The following CDH13 variants were observed in gnomAD, a reference collection of about 807,000 sequenced individuals.
The protein encoded by CDH13 is cadherin 13, also known as cadherin-13.
A neutral mutation model predicts 63.8 loss-of-function variants in CDH13; 24 were observed. The ratio of observed to expected loss-of-function variants is 0.38; its 90% CI spans 0.27 to 0.53. The LOEUF (loss-of-function observed/expected upper bound fraction) is 0.53. Ranked by LOEUF, CDH13 falls within the 20% of genes least tolerant of loss-of-function variation. The probability of loss-of-function intolerance (pLI) is 0.85; values close to 1 mark genes in which losing one functional copy is unlikely to be tolerated. For missense variants in CDH13, 1,049 were observed against 903.1 expected, an observed-to-expected ratio of 1.16 and a Z score of -2.07; for synonymous variants, 503 against 355.3, an observed-to-expected ratio of 1.42 and a Z score of -4.67.
intron 3 of CDH13, among the ~76,000 whole-genome samples, chr16:83,095,288 C>G (rs2034137921): frequency 6.6e-6 from 1 of 152,174 alleles, no homozygotes; most frequent in Non-Finnish European, 1.5e-5. Flanking sequence ...ATTCTGTCCA[C>G]TGGTATATCA....
chr16:83,289,303 C>G (rs974669683), intron 5 of CDH13, among the ~76,000 whole-genome samples: 1 of 152,174 alleles, frequency 6.6e-6, no homozygotes, highest in Non-Finnish European at 1.5e-5. Context: ...ATATTAATCT[C>G]ATGTATTTTT....
intron 6 of CDH13, among the ~76,000 whole-genome samples, chr16:83,363,477 G>C (rs966646572): frequency 6.6e-6 from 1 of 152,186 alleles, no homozygotes; most frequent in Non-Finnish European, 1.5e-5. Flanking sequence ...CAAAAGTTAA[G>C]AGACCACTAA....
At chr16:83,588,626 C>T (rs1436715696) in intron 7 of CDH13, among the ~76,000 whole-genome samples, 1 of 152,166 alleles carries the variant, frequency 6.6e-6, no homozygotes, top group African/African-American at 2.4e-5. Flanking sequence ...AAGTGACTGA[C>T]ACATTGGAAA....
intron 4 of CDH13, among the ~76,000 whole-genome samples, chr16:83,200,367 C>G (rs1304493374): frequency 6.6e-6 from 1 of 152,122 alleles, no homozygotes; most frequent in Non-Finnish European, 1.5e-5. Flanking sequence ...GTCTCCTTTT[C>G]TGCTGGTCTT....
In CDH13 at chr16:83,531,241, C is replaced by G. The variant is rs147894401; in HGVS notation, c.960+44586C>G. On this transcript the variant is annotated intron_variant, in intron 7 of 13. Transcript: ENST00000567109. ...GTTTACATGTAACTAGGCCTCTGGT[C>G]TCTGCCATCCTATAAATCCATTCAG... is the stretch of plus-strand genomic sequence containing the variant. 9.1e-4 allele frequency among the ~76,000 whole-genome samples: 138 copies of G among 152,310 alleles called. 1 individual carries two copies. The highest frequency in any genetic ancestry group is 3.2e-3 in the African/African-American group (132 of 41,568).
intron 6 of CDH13, among the ~76,000 whole-genome samples, chr16:83,448,215 C>T (rs1425836243): frequency 1.3e-5 from 2 of 151,716 alleles, no homozygotes; most frequent in Non-Finnish European, 2.9e-5. Context: ...TGGAGTGGAG[C>T]AGGAAATGTG....
chr16:82,932,303 T>C (rs1171797949), intron 2 of CDH13, among the ~76,000 whole-genome samples: 1 of 152,240 alleles, frequency 6.6e-6, no homozygotes, highest in Non-Finnish European at 1.5e-5. Flanking sequence ...CTTATTATTG[T>C]ATTTGTTTGT....
chr16:82,770,265 T>G (rs1463278956), intron 1 of CDH13, among the ~76,000 whole-genome samples: 1 of 152,248 alleles, frequency 6.6e-6, no homozygotes, highest in Non-Finnish European at 1.5e-5. Context: ...AGTGTGTGTT[T>G]TTGTGCACAT....
At chr16:83,054,904 T>C (rs2030760160) in intron 3 of CDH13, among the ~76,000 whole-genome samples, 1 of 152,144 alleles carries the variant, frequency 6.6e-6, no homozygotes, top group Non-Finnish European at 1.5e-5. Flanking sequence ...TCTGCAGTGT[T>C]CACGTGGAAT....
At chr16:83,403,972 C>T (rs1002537997) in intron 6 of CDH13, among the ~76,000 whole-genome samples, 2 of 152,174 alleles carry the variant, frequency 1.3e-5, no homozygotes, top group Non-Finnish European at 1.5e-5. Flanking sequence ...AATAAATCAA[C>T]TTGAATTTAG....
chr16:82,932,381 C>T (rs903937466), intron 2 of CDH13, among the ~76,000 whole-genome samples: 17 of 152,260 alleles, frequency 1.1e-4, no homozygotes, highest in Middle Eastern at 3.4e-3. Flanking sequence ...AGGCAACAAC[C>T]GCTGAAGAGG....
At chr16:83,602,714 T>A (rs1006671035) in intron 8 of CDH13, 120 bp downstream of exon 8, 1 of 998,026 alleles carries the variant, frequency 1.0e-6, no homozygotes, top group Non-Finnish European at 1.6e-6. Flanking sequence ...TACTCCTTTG[T>A]GGGAGAGACG....
intron 7 of CDH13, among the ~76,000 whole-genome samples, chr16:83,561,158 G>C (rs796273432): frequency 5.9e-5 from 9 of 152,030 alleles, no homozygotes; most frequent in African/African-American, 2.2e-4. Context: ...CTTCAAAAGA[G>C]ACTTCAGGCC....
At chr16:83,077,256 A>C (rs1192390011) in intron 3 of CDH13, among the ~76,000 whole-genome samples, 1 of 120,232 alleles carries the variant, frequency 8.3e-6, no homozygotes, top group Non-Finnish European at 1.6e-5. Context: ...ACAGTGATGC[A>C]GTCTTGGCTC....
At position 83,391,845 on chromosome 16, in the gene CDH13, G is replaced by T. The variant is rs192815124; in HGVS notation, c.781+46839G>T. 3.9e-5 allele frequency among the ~76,000 whole-genome samples: 6 copies of T among 152,300 alleles called. No individual in the cohort carries two copies. In the East Asian group the frequency reaches 1.2e-3, roughly 29 times the overall value. On this transcript the variant is annotated intron_variant, in intron 6 of 13. Transcript: ENST00000567109. ...AGGGTCTGCATTGTGGTGATGTGTG[G>T]AATATGTTCATCTGTACGAAAATAT...
At chr16:83,647,866 C>G (rs954274134) in intron 8 of CDH13, among the ~76,000 whole-genome samples, 1 of 152,114 alleles carries the variant, frequency 6.6e-6, no homozygotes, top group African/African-American at 2.4e-5. Flanking sequence ...AGTTGATAGC[C>G]ACGATCCCCA....
intron 10 of CDH13, among the ~76,000 whole-genome samples, chr16:83,716,328 G>A (rs569772828): frequency 2.6e-5 from 4 of 152,116 alleles, no homozygotes; most frequent in East Asian, 1.9e-4. Context: ...TGGAAATCCC[G>A]TGGGTTTGGG....
chr16:83,661,794 A>C (rs1219176581), intron 8 of CDH13, among the ~76,000 whole-genome samples: 2 of 152,196 alleles, frequency 1.3e-5, no homozygotes, highest in African/African-American at 4.8e-5. Flanking sequence ...TCTGCAGCCA[A>C]CACATGGAAA....
chr16:83,045,086 A>G (rs1917655142), intron 3 of CDH13, among the ~76,000 whole-genome samples: 1 of 152,158 alleles, frequency 6.6e-6, no homozygotes. Context: ...TCACATGGAG[A>G]TACTTGGTCA....
Sources: gnomAD v4.1 joint callset for allele counts (sites outside exome capture counted in the v4.1 genomes callset) on GRCh38, gnomAD v4.1.1 for gene constraint, MANE v1.5 for transcripts, NCBI Gene and HGNC (gene_info 2026-07-23, HGNC 2026-07-21) for gene names.